Variants in ATRNL1 observed in about 807,000 individuals in gnomAD.
ATRNL1 encodes the protein attractin-like protein 1.
In ATRNL1, 95 loss-of-function variants were observed where a neutral mutation model predicts 182.7. The ratio of observed to expected loss-of-function variants is 0.52; its 90% CI spans 0.44 to 0.62. ATRNL1 has a LOEUF of 0.62. ATRNL1 is among the 20% of genes least tolerant of loss of function. The probability of loss-of-function intolerance (pLI) is 0.00; values close to 1 mark genes in which losing one functional copy is unlikely to be tolerated. For missense variants in ATRNL1, 1,471 were observed against 1,679.5 expected (o/e 0.88, Z 2.17); for synonymous variants, 576 against 568.3 (o/e 1.01, Z -0.19).
chr10:115,430,423 T>A (rs1396577939), intron 21 of ATRNL1, among the ~76,000 whole-genome samples: 2 of 152,098 alleles, frequency 1.3e-5, no homozygotes, highest in Non-Finnish European at 2.9e-5. Context: ...AAAATTATCA[T>A]TTTTTTACAG....
intron 24 of ATRNL1, among the ~76,000 whole-genome samples, chr10:115,498,269 A>T (rs781884918): frequency 6.6e-6 from 1 of 151,500 alleles, no homozygotes; most frequent in Non-Finnish European, 1.5e-5. Flanking sequence ...ACCACAGGGT[A>T]GAAAAGATTT....
At chr10:115,131,675 CA>C (rs1845244020) in intron 5 of ATRNL1, among the ~76,000 whole-genome samples, 1 of 152,152 alleles carries the variant, frequency 6.6e-6, no homozygotes. Context: ...ACTGCCGAGG[CA>C]ATCTTTATGA....
chr10:115,485,813 A>G (rs919935790), intron 24 of ATRNL1, among the ~76,000 whole-genome samples: 3 of 152,020 alleles, frequency 2.0e-5, no homozygotes, highest in Admixed American at 2.0e-4. Flanking sequence ...TTACATAGGT[A>G]TACACGTGCC....
chr10:115,699,957 A>G (rs1946680198), intron 26 of ATRNL1, among the ~76,000 whole-genome samples: 1 of 152,024 alleles, frequency 6.6e-6, no homozygotes, highest in African/African-American at 2.4e-5. Flanking sequence ...TTCTGTTCCT[A>G]TGTTAATTTG....
At chr10:115,599,996 C>T (rs893549426) in intron 26 of ATRNL1, among the ~76,000 whole-genome samples, 13 of 152,172 alleles carry the variant, frequency 8.5e-5, no homozygotes, top group African/African-American at 2.4e-4. Context: ...CTCCCATCTC[C>T]ACCCCAGGCA....
At chr10:115,358,569 C>A (rs1856602695) in intron 19 of ATRNL1, among the ~76,000 whole-genome samples, 2 of 151,558 alleles carry the variant, frequency 1.3e-5, no homozygotes. Flanking sequence ...AAAAGCTAAT[C>A]TAAATGTTTT....
At chr10:115,315,182 G>A (rs1292949594) in intron 17 of ATRNL1, among the ~76,000 whole-genome samples, 1 of 152,106 alleles carries the variant, frequency 6.6e-6, no homozygotes, top group Non-Finnish European at 1.5e-5. Context: ...TTATATCACA[G>A]ACAATAATAA....
intron 20 of ATRNL1, among the ~76,000 whole-genome samples, chr10:115,422,861 C>G (rs1282273298): frequency 1.3e-5 from 2 of 152,138 alleles, no homozygotes; most frequent in Non-Finnish European, 2.9e-5. Flanking sequence ...ACACCAGAAC[C>G]TACTGGAGAG....
At chr10:115,464,432 G>T (rs1847955049) in intron 22 of ATRNL1, among the ~76,000 whole-genome samples, 1 of 151,788 alleles carries the variant, frequency 6.6e-6, no homozygotes. Context: ...ACATTATTTT[G>T]CCAAACTTAT....
At chr10:115,151,770 A>G (rs1414759620) in intron 5 of ATRNL1, among the ~76,000 whole-genome samples, 2 of 152,140 alleles carry the variant, frequency 1.3e-5, no homozygotes, top group African/African-American at 2.4e-5. Context: ...TTGGTGTTTT[A>G]GACATGAAGT....
At chr10:115,917,279 A>G (rs1355642036) in intron 28 of ATRNL1, among the ~76,000 whole-genome samples, 1 of 152,006 alleles carries the variant, frequency 6.6e-6, no homozygotes, top group Non-Finnish European at 1.5e-5. Flanking sequence ...ATCCTGGCTA[A>G]CACAGTGAAA....
chr10:115,664,084 G>T (rs537580252), intron 26 of ATRNL1, among the ~76,000 whole-genome samples: 11 of 152,158 alleles, frequency 7.2e-5, no homozygotes, highest in African/African-American at 2.2e-4. Flanking sequence ...ATCCTTCCTT[G>T]ATTCCTGTTC....
intron 27 of ATRNL1, among the ~76,000 whole-genome samples, chr10:115,731,423 G>C (rs1947794544): frequency 1.3e-5 from 2 of 151,964 alleles, no homozygotes; most frequent in African/African-American, 2.4e-5. Flanking sequence ...TATATTAATT[G>C]TTGCAATTCT....
At chr10:115,659,491 T>C (rs1398821459) in intron 26 of ATRNL1, among the ~76,000 whole-genome samples, 1 of 152,136 alleles carries the variant, frequency 6.6e-6, no homozygotes, top group African/African-American at 2.4e-5. Context: ...ACAAGGAAAA[T>C]ATATCCATGT....
At chr10:115,301,301 T>C (rs1488577415) in intron 16 of ATRNL1, among the ~76,000 whole-genome samples, 2 of 152,312 alleles carry the variant, frequency 1.3e-5, no homozygotes, top group Non-Finnish European at 1.5e-5. Flanking sequence ...AATTCTGTTT[T>C]TCACATTCCC....
At chr10:115,432,612 G>C (rs553542115) in intron 21 of ATRNL1, among the ~76,000 whole-genome samples, 59 of 152,246 alleles carry the variant, frequency 3.9e-4, no homozygotes, top group South Asian at 3.3e-3. Flanking sequence ...TGATATGTCA[G>C]CAGTTGTAAT....
At chr10:115,503,834 AT>A (rs113034465) in intron 24 of ATRNL1, among the ~76,000 whole-genome samples, 4,125 of 151,644 alleles carry the variant, frequency 0.027, 217 homozygotes, top group African/African-American at 0.095. Flanking sequence ...ACCCTACAAG[AT>A]TTTTTTTCAT....
intron 27 of ATRNL1, among the ~76,000 whole-genome samples, chr10:115,774,978 C>T (rs534714986): frequency 6.6e-6 from 1 of 152,034 alleles, no homozygotes; most frequent in South Asian, 2.1e-4. Context: ...GACTAATAGT[C>T]ATAAGACATT....
At chr10:115,562,584 A>G (rs759218964) in intron 26 of ATRNL1, among the ~76,000 whole-genome samples, 73 of 152,262 alleles carry the variant, frequency 4.8e-4, no homozygotes, top group Non-Finnish European at 8.5e-4. Context: ...GGGACAAGAT[A>G]GAGATAATTG....
Sources: allele counts gnomAD v4.1 joint callset (sites outside exome capture counted in the v4.1 genomes callset), GRCh38; gene constraint gnomAD v4.1.1; transcripts MANE v1.5; gene names NCBI Gene and HGNC (gene_info 2026-07-23, HGNC 2026-07-21).